PHF14: variants seen among roughly 807,000 people sequenced by gnomAD.
PHF14 encodes PHD finger protein 14.
A neutral mutation model predicts 117.9 loss-of-function variants in PHF14; 55 were observed. The ratio of observed to expected loss-of-function variants is 0.47; its 90% CI spans 0.38 to 0.58. The LOEUF is 0.58. PHF14 is among the 20% of genes least tolerant of loss of function. The pLI, the probability that PHF14 is intolerant of heterozygous loss-of-function variation, is 0.00. For synonymous variants in PHF14, 409 were observed against 368.6 expected, an observed-to-expected ratio of 1.11 and a Z score of -1.26; for missense variants, 978 against 1,122.2, an observed-to-expected ratio of 0.87 and a Z score of 1.84.
At chr7:11,034,693 C>T (rs555815165) in intron 7 of PHF14, among the ~76,000 whole-genome samples, 2 of 151,964 alleles carry the variant, frequency 1.3e-5, no homozygotes, top group African/African-American at 4.8e-5. Context: ...GGATTACAGG[C>T]ACATGCCACT....
In PHF14 at chr7:11,084,819, C is replaced by T. The variant is rs116694880; in HGVS notation, c.2654+22734C>T. 5.8e-3 allele frequency among the ~76,000 whole-genome samples: 880 copies of T among 152,140 alleles called. 8 individuals carry two copies. The highest frequency in any genetic ancestry group is 0.02 in the African/African-American group (839 of 41,500). On this transcript the variant is annotated intron_variant, in intron 16 of 17. Transcript: ENST00000634607. The stretch of plus-strand genomic sequence containing the variant: ...CATTTTGATTGTATTTTGTAACAAT[C>T]AGTTTCAATGTTTATTCACTCATAT...
intron 4 of PHF14, among the ~76,000 whole-genome samples, chr7:10,999,729 A>C (rs1391541957): frequency 6.6e-6 from 1 of 152,218 alleles, no homozygotes; most frequent in Non-Finnish European, 1.5e-5. Context: ...CCTTCTTTCC[A>C]AAGTAGCTTT....
chr7:11,026,076 C>G (rs566862331), intron 6 of PHF14, among the ~76,000 whole-genome samples: 1 of 149,212 alleles, frequency 6.7e-6, no homozygotes, highest in Non-Finnish European at 1.5e-5. Context: ...TGCACCACTG[C>G]ACTCCAGCCT....
At chr7:11,162,449 A>G (rs946961453) in intron 17 of PHF14, among the ~76,000 whole-genome samples, 1 of 152,064 alleles carries the variant, frequency 6.6e-6, no homozygotes, top group Non-Finnish European at 1.5e-5. Context: ...ATGTTTATGG[A>G]AATATATAAA....
chr7:10,997,607 G>A (rs540622999), intron 4 of PHF14, among the ~76,000 whole-genome samples: 1 of 152,208 alleles, frequency 6.6e-6, no homozygotes, highest in Non-Finnish European at 1.5e-5. Context: ...CAAAGCCATA[G>A]CCTGGGCTGT....
At chr7:11,104,925 T>C (rs1787210211) in intron 16 of PHF14, 4 of 974,938 alleles carry the variant, frequency 4.1e-6, no homozygotes, top group Non-Finnish European at 4.9e-6. Context: ...GATAAAGGAA[T>C]GTGCTTTTAA....
At chr7:11,010,677 A>G (rs898544711) in intron 4 of PHF14, among the ~76,000 whole-genome samples, 4 of 152,036 alleles carry the variant, frequency 2.6e-5, no homozygotes, top group South Asian at 4.1e-4. Context: ...GAAAAAATAT[A>G]TATACTTTTT....
intron 17 of PHF14, among the ~76,000 whole-genome samples, chr7:11,165,074 G>A (rs541472141): frequency 1.2e-4 from 19 of 152,186 alleles, no homozygotes; most frequent in South Asian, 4.2e-4. Context: ...ATAGGCGCCC[G>A]CCACCACACC....
Position 11,087,652 on chromosome 7 carries a change from A to G in PHF14, c.2655-23698A>G, listed in dbSNP as rs62440487. 4.9e-3 allele frequency among the ~76,000 whole-genome samples: 741 copies of G among 152,108 alleles called. 3 individuals are homozygous for G. Among genetic ancestry groups the G allele is most frequent in the Non-Finnish European group, 8.3e-3 (565 of 67,988 alleles). ...CTGACTATTGCTAATTATATTGTGG[A>G]TTATAACCACAACTATATTTGACTC... is the stretch of plus-strand genomic sequence containing the variant. On this transcript the variant is annotated intron_variant, in intron 16 of 17. Transcript: ENST00000634607.
At chr7:11,145,871 A>G (rs1225327761) in intron 17 of PHF14, among the ~76,000 whole-genome samples, 1 of 152,084 alleles carries the variant, frequency 6.6e-6, no homozygotes, top group East Asian at 1.9e-4. Flanking sequence ...CATATGTTAT[A>G]CTTGTTGGAT....
chr7:11,146,287 A>G (rs1788547225), intron 17 of PHF14, among the ~76,000 whole-genome samples: 1 of 152,172 alleles, frequency 6.6e-6, no homozygotes, highest in East Asian at 1.9e-4. Context: ...GATGGGAAAT[A>G]TCTTTGTTCC....
At chr7:11,079,011 ATTC>A (rs1785976938) in intron 16 of PHF14, among the ~76,000 whole-genome samples, 3 of 152,112 alleles carry the variant, frequency 2.0e-5, no homozygotes, top group African/African-American at 7.2e-5. Context: ...TTTTATTTTA[ATTC>A]TTAAGTGCCT....
At chr7:11,084,909 T>C (rs945680790) in intron 16 of PHF14, among the ~76,000 whole-genome samples, 3 of 152,206 alleles carry the variant, frequency 2.0e-5, no homozygotes, top group Admixed American at 6.5e-5. Context: ...CCGCTTTATC[T>C]TTGGAGATTT....
intron 4 of PHF14, among the ~76,000 whole-genome samples, chr7:10,991,759 A>ATTTTTTAAT (rs1782461151): frequency 9.0e-6 from 1 of 111,042 alleles, no homozygotes; most frequent in Non-Finnish European, 1.7e-5. Flanking sequence ...TAATTTTTTA[A>ATTTTTTAAT]TTTTTTTTTT....
intron 16 of PHF14, among the ~76,000 whole-genome samples, chr7:11,101,734 A>G (rs1787100621): frequency 2.0e-5 from 3 of 151,732 alleles, no homozygotes; most frequent in Admixed American, 1.3e-4. Flanking sequence ...ACATCTCTTA[A>G]TTGTTAATAT....
intron 7 of PHF14, among the ~76,000 whole-genome samples, chr7:11,034,539 ATT>A (rs56043099): frequency 2.4e-3 from 149 of 63,082 alleles, no homozygotes; most frequent in Admixed American, 2.6e-3. Context: ...TCTTAATTCT[ATT>A]TTTTTTTTTT....
At chr7:10,999,814 T>C (rs1281158141) in intron 4 of PHF14, among the ~76,000 whole-genome samples, 2 of 152,234 alleles carry the variant, frequency 1.3e-5, no homozygotes, top group African/African-American at 4.8e-5. Flanking sequence ...TAATGCCAAT[T>C]AAGTCAACAG....
At chr7:11,122,593 C>A (rs1214046517) in intron 17 of PHF14, among the ~76,000 whole-genome samples, 1 of 151,560 alleles carries the variant, frequency 6.6e-6, no homozygotes, top group East Asian at 1.9e-4. Flanking sequence ...TAATGATATA[C>A]TTCCTTAATC....
At chr7:11,029,707 G>T (rs1304633195) in intron 7 of PHF14, among the ~76,000 whole-genome samples, 2 of 152,018 alleles carry the variant, frequency 1.3e-5, no homozygotes, top group Non-Finnish European at 2.9e-5. Flanking sequence ...AAACCCTTTG[G>T]AGTCCTCAGT....
Sources: allele counts gnomAD v4.1 joint callset (sites outside exome capture counted in the v4.1 genomes callset), GRCh38; gene constraint gnomAD v4.1.1; transcripts MANE v1.5; gene names NCBI Gene and HGNC (gene_info 2026-07-23, HGNC 2026-07-21).